The following DMP1 variants were observed in gnomAD, a reference collection of about 807,000 sequenced individuals.
DMP1 encodes dentin matrix acidic phosphoprotein 1.
Under a neutral mutation model 14.6 loss-of-function variants are expected in DMP1, and 20 were observed. The ratio of observed to expected loss-of-function variants is 1.37; its 90% CI spans 0.96 to 1.99. DMP1 has a LOEUF of 1.99. Ranked by LOEUF, DMP1 falls within the 30% of genes most tolerant of loss-of-function variation. The pLI, the probability that DMP1 is intolerant of heterozygous loss-of-function variation, is 0.00. For synonymous variants in DMP1, 197 were observed against 215.3 expected, an observed-to-expected ratio of 0.91 and a Z score of 0.75; for missense variants, 567 against 620.5, an observed-to-expected ratio of 0.91 and a Z score of 0.92.
At chr4:87,661,678 A>G (rs1051236561) in intron 5 of DMP1, among the ~76,000 whole-genome samples, 2 of 148,160 alleles carry the variant, frequency 1.3e-5, no homozygotes, top group African/African-American at 5.0e-5. Context: ...AATTATATAT[A>G]CAGTATGATT....
In DMP1 at chr4:87,662,310, C is replaced by A; in HGVS notation, c.532C>A (p.Pro178Thr). The change falls in exon 6 of 6, where the codon CCT becomes ACT. Residue 178 changes from proline (P) to threonine (T), a missense_variant. Physicochemically the swap from Pro to Thr is conservative, Grantham distance 38. Coordinates refer to ENST00000339673, the MANE Select transcript of DMP1 (RefSeq NM_004407.4). ...CAATGAGGACCGGGTGGACAGCAAG[C>A]CTGAGGGAGGTGACTCCACTCAAGA... is the stretch of plus-strand genomic sequence containing the variant. ...LDNEDRVDSKPEGGDSTQESE... is the reference protein window; with the variant it reads ...LDNEDRVDSKTEGGDSTQESE... 6.2e-7 allele frequency: 1 copy of A among 1,613,964 alleles called. No individual in the cohort carries two copies. The highest frequency in any genetic ancestry group is 2.2e-5 in the East Asian group (1 of 44,854).
intron 1 of DMP1, among the ~76,000 whole-genome samples, chr4:87,653,386 GAT>G (rs57266829): frequency 0.052 from 2,971 of 57,256 alleles, 57 homozygotes; most frequent in Admixed American, 0.064. Flanking sequence ...ATTATCGAGT[GAT>G]ATATATATAT....
At chr4:87,656,846 T>C (rs554700691) in intron 2 of DMP1, among the ~76,000 whole-genome samples, 186 bp from the exon 3 acceptor site, 1 of 152,348 alleles carries the variant, frequency 6.6e-6, no homozygotes, top group African/African-American at 2.4e-5. Flanking sequence ...TCTTGGACCC[T>C]ACCTCAGAGC....
At chr4:87,661,867 G>A (rs1728895492) in intron 5 of DMP1, 95 bp from the exon 6 acceptor site, 18 of 1,604,000 alleles carry the variant, frequency 1.1e-5, no homozygotes, top group Non-Finnish European at 1.4e-5. Context: ...AGGGGATGTA[G>A]GGCGAAGGAA....
chr4:87,659,376 T>C, intron 4 of DMP1, 55 bp from the exon 5 acceptor site: 3 of 1,605,628 alleles, frequency 1.9e-6, no homozygotes, highest in Non-Finnish European at 2.6e-6. Flanking sequence ...GTATCATGTT[T>C]TTTTCTTTCC....
chr4:87,661,786 A>G (rs934367381), intron 5 of DMP1, among the ~76,000 whole-genome samples, 176 bp from the exon 6 acceptor site: 3 of 152,092 alleles, frequency 2.0e-5, no homozygotes, highest in Admixed American at 6.5e-5. Context: ...TTGAGTTTCA[A>G]TTCCTCTTCC....
chr4:87,656,058 C>T (rs1728681777), intron 1 of DMP1, among the ~76,000 whole-genome samples: 1 of 152,134 alleles, frequency 6.6e-6, no homozygotes, highest in African/African-American at 2.4e-5. Flanking sequence ...ACCTTCACTA[C>T]AATACATGGA....
rs772975231 is a variant in DMP1, at chr4:87,662,300, G to A, written c.522G>A (p.Val174=). The A allele has an allele frequency of 1.8e-5, 29 of 1,613,952 alleles. No homozygotes were observed. Among genetic ancestry groups the A allele is most frequent in the Non-Finnish European group, 2.4e-5 (28 of 1,180,020 alleles). The change falls in exon 6 of 6, where the codon GTG becomes GTA. Residue 174 remains valine, a synonymous_variant. Transcript: ENST00000339673. ...GGGAACTTGACAATGAGGACCGGGT[G>A]GACAGCAAGCCTGAGGGAGGTGACT... ...ESRELDNEDR[V]DSKPEGGDST... is the part of the protein sequence containing the mutation.
At chr4:87,661,822 G>A (rs1728893790) in intron 5 of DMP1, 140 bp from the exon 6 acceptor site, 3 of 1,484,394 alleles carry the variant, frequency 2.0e-6, no homozygotes, top group Non-Finnish European at 2.7e-6. Flanking sequence ...TGGTAGAGAG[G>A]TTATTGAGTA....
chr4:87,662,947 A>G lies in DMP1; in HGVS notation c.1169A>G (p.His390Arg), dbSNP rs749288852. 6.2e-7 allele frequency: 1 copy of G among 1,614,208 alleles called. No individual in the cohort carries two copies. Residue 390 changes from histidine (H) to arginine (R), a missense_variant, in exon 6 of 6, where the codon CAC (histidine) becomes CGC (arginine). By Grantham distance (29) the His-to-Arg change is conservative. Coordinates refer to ENST00000339673, the MANE Select transcript of DMP1 (RefSeq NM_004407.4). ...GACTCCAGCGAGGAGGACAGCTCGCACACACTCTCCCACTCAAAAAGTGAA... is the reference window on the plus strand; with the variant it reads ...GACTCCAGCGAGGAGGACAGCTCGCGCACACTCTCCCACTCAAAAAGTGAA... ...DSDSSEEDSS[H>R]TLSHSKSESR...
rs1243268001 is a variant in DMP1, at chr4:87,662,635, A to C, written c.857A>C (p.Asn286Thr). 3 of 1,614,058 alleles carry C rather than the reference A, an allele frequency of 1.9e-6. No homozygotes were observed. The highest frequency in any genetic ancestry group is 2.5e-6 in the Non-Finnish European group (3 of 1,180,046). ...GACAGAAGCGAGCTTGATGACAACA[A>C]CACAATGGAAGAAGTCAAGAGTGAC... ...EDDRSELDDNNTMEEVKSDST... is the reference protein window; with the variant it reads ...EDDRSELDDNTTMEEVKSDST... The change falls in exon 6 of 6, where the codon AAC becomes ACC. Residue 286 changes from asparagine (N) to threonine (T), a missense_variant. Asn to Thr is a moderately conservative substitution (Grantham distance 65). Coordinates refer to ENST00000339673, the MANE Select transcript of DMP1 (RefSeq NM_004407.4).
In DMP1 at chr4:87,663,243, C is replaced by T. The variant is rs141968248; in HGVS notation, c.1465C>T (p.Arg489Trp). The change falls in exon 6 of 6, where the codon CGG (arginine) becomes TGG (tryptophan). Residue 489 changes from arginine to tryptophan, a missense_variant. By Grantham distance (101) the Arg-to-Trp change is moderately radical (BLOSUM62 -3). Coordinates refer to ENST00000339673, the MANE Select transcript of DMP1 (RefSeq NM_004407.4). ...GTTGAAAAACATTGAGATAGAGAGC[C>T]GGAAATTAACAGTTGATGCCTATCA... Reference protein sequence around the residue: ...GQLKNIEIESRKLTVDAYHNK... With the variant: ...GQLKNIEIESWKLTVDAYHNK... 2.0e-5 allele frequency: 33 copies of T among 1,614,024 alleles called. No individual in the cohort carries two copies. Among genetic ancestry groups the T allele is most frequent in the Admixed American group, 1.2e-4 (7 of 59,998 alleles).
Position 87,662,050 on chromosome 4 carries a change from TC to T in DMP1, c.273del (p.Ser92ProfsTer141). 5.0e-6 allele frequency: 8 copies of T among 1,614,126 alleles called. No individual in the cohort carries two copies. The highest frequency in any genetic ancestry group is 6.8e-6 in the Non-Finnish European group (8 of 1,180,020). Reference protein sequence around the residue: ...HQYIYRLAGGFSRSTGKGGDD... With the variant: ...HQYIYRLAGGXSRSTGKGGDD... Reference sequence around the variant, plus strand: ...TACATTTATAGGCTAGCTGGTGGCTTCTCCAGGAGCACAGGAAAAGGAGGAG... The same window carrying T: ...TACATTTATAGGCTAGCTGGTGGCTTTCCAGGAGCACAGGAAAAGGAGGAG... On this transcript the variant is annotated frameshift_variant, in exon 6 of 6. Coordinates refer to ENST00000339673, the MANE Select transcript of DMP1 (RefSeq NM_004407.4). LOFTEE classifies it low-confidence loss of function (END_TRUNC).
In DMP1 at chr4:87,662,244, G is replaced by C. The variant is rs1728919813; in HGVS notation, c.466G>C (p.Asp156His). The C allele has an allele frequency of 6.2e-7, 1 of 1,614,178 alleles. No homozygotes were observed. Among genetic ancestry groups the C allele is most frequent in the South Asian group, 1.1e-5 (1 of 91,084 alleles). Residue 156 changes from aspartate (D) to histidine (H), a missense_variant, in exon 6 of 6, where the codon GAC becomes CAC. By Grantham distance (81) the Asp-to-His change is moderately conservative. Transcript: ENST00000339673. ...ASEESAPQGQ[D>H]SAQDTTSESR... ...TGAAGAGAGTGCCCCACAAGGGCAA[G>C]ACAGTGCCCAAGATACCACCAGTGA...
chr4:87,662,242 A>C lies in DMP1; in HGVS notation c.464A>C (p.Gln155Pro). Residue 155 changes from glutamine to proline, a missense_variant, in exon 6 of 6, where the codon CAA (glutamine) becomes CCA (proline). Gln to Pro is a moderately conservative substitution (Grantham distance 76). Transcript: ENST00000339673. Reference sequence around the variant, plus strand: ...AGTGAAGAGAGTGCCCCACAAGGGCAAGACAGTGCCCAAGATACCACCAGT... The same window carrying C: ...AGTGAAGAGAGTGCCCCACAAGGGCCAGACAGTGCCCAAGATACCACCAGT... ...QASEESAPQG[Q>P]DSAQDTTSES... is the part of the protein sequence containing the mutation. The C allele has an allele frequency of 6.2e-7, 1 of 1,614,210 alleles. No homozygotes were observed. Among genetic ancestry groups the C allele is most frequent in the Non-Finnish European group, 8.5e-7 (1 of 1,180,036 alleles).
Position 87,662,960 on chromosome 4 carries a change from C to T in DMP1, c.1182C>T (p.His394=), listed in dbSNP as rs1263102612. 1 of 1,614,150 alleles carries T rather than the reference C, an allele frequency of 6.2e-7. No individual in the cohort carries two copies. The highest frequency in any genetic ancestry group is 1.1e-5 in the South Asian group (1 of 91,076). ...SEEDSSHTLS[H]SKSESREEQA... Reference sequence around the variant, plus strand: ...AGGACAGCTCGCACACACTCTCCCACTCAAAAAGTGAATCCAGAGAGGAGC... The same window carrying T: ...AGGACAGCTCGCACACACTCTCCCATTCAAAAAGTGAATCCAGAGAGGAGC... The change falls in exon 6 of 6, where the codon CAC becomes CAT. Residue 394 remains histidine (H), a synonymous_variant. Transcript: ENST00000339673.
intron 1 of DMP1, among the ~76,000 whole-genome samples, chr4:87,652,280 G>A (rs1464177972): frequency 1.3e-5 from 2 of 152,066 alleles, no homozygotes; most frequent in Non-Finnish European, 1.5e-5. Context: ...TTCAGAATAT[G>A]GCTACTGCCT....
chr4:87,659,608 C>A, intron 5 of DMP1, 130 bp downstream of exon 5: 1 of 905,778 alleles, frequency 1.1e-6, no homozygotes, highest in Non-Finnish European at 1.8e-6. Flanking sequence ...GCTAAAGAGT[C>A]CTATAAAGTA....
chr4:87,653,682 G>A (rs1728599872), intron 1 of DMP1, among the ~76,000 whole-genome samples: 1 of 151,846 alleles, frequency 6.6e-6, no homozygotes, highest in African/African-American at 2.4e-5. Flanking sequence ...CAAGTGAATG[G>A]ATTTATTGCC....
Sources: allele counts gnomAD v4.1 joint callset (sites outside exome capture counted in the v4.1 genomes callset), GRCh38; gene constraint gnomAD v4.1.1; transcripts MANE v1.5; gene names NCBI Gene and HGNC (gene_info 2026-07-23, HGNC 2026-07-21).